PRKG1: variants seen among roughly 807,000 people sequenced by gnomAD.
PRKG1 encodes protein kinase cGMP-dependent 1, also known as cGMP-dependent protein kinase 1.
A neutral mutation model predicts 88.1 loss-of-function variants in PRKG1; 35 were observed. The ratio of observed to expected loss-of-function variants is 0.40; its 90% CI spans 0.30 to 0.53. The LOEUF is 0.53. Ranked by LOEUF, PRKG1 falls within the 20% of genes least tolerant of loss-of-function variation. The probability of loss-of-function intolerance (pLI) is 0.59; values close to 1 mark genes in which losing one functional copy is unlikely to be tolerated. For missense variants in PRKG1, 540 were observed against 839.8 expected (o/e 0.64, Z 4.41); for synonymous variants, 303 against 292.5 (o/e 1.04, Z -0.37).
chr10:51,186,963 T>TAC lies in PRKG1; in HGVS notation c.478+33634_478+33635insCA, dbSNP rs1554844213. Among the ~76,000 whole-genome samples, 15 of 143,014 alleles carry TAC rather than the reference T, an allele frequency of 1.0e-4. No homozygotes were observed. The South Asian group carries it at 1.7e-3, about 16-fold the overall frequency. The allele number at this position is 143,014 out of a possible 152,430, so 93.8% of individuals were successfully genotyped here. On this transcript the variant is annotated intron_variant, in intron 2 of 17. Transcript: ENST00000373980. ...TTTGCAAGGCCCTGTGTTATATATA[T>TAC]ATATATATATATATATATATGTATA...
Position 51,653,659 on chromosome 10 carries a change from C to T in PRKG1, c.593-150926C>T, listed in dbSNP as rs190562266. 4.1e-3 allele frequency among the ~76,000 whole-genome samples: 621 copies of T among 152,068 alleles called. 2 individuals are homozygous for T. Among genetic ancestry groups the T allele is most frequent in the Middle Eastern group, 0.01 (3 of 294 alleles). ...TCAGCTCACTGCAATCTCTGCCTCC[C>T]GAGTTCAAGCAATTCTCTTGCCTCA... On this transcript the variant is annotated intron_variant, in intron 3 of 17. Coordinates refer to ENST00000373980, the MANE Select transcript of PRKG1 (RefSeq NM_006258.4).
At chr10:52,067,921 G>GACTTGAAACCATATGGAATACAT (rs1589575435) in intron 7 of PRKG1, among the ~76,000 whole-genome samples, 1 of 147,356 alleles carries the variant, frequency 6.8e-6, no homozygotes, top group Admixed American at 6.8e-5. Context: ...ATCCCTACTT[G>GACTTGAAACCATATGGAATACAT]AGGCCGGGCG....
At chr10:51,132,010 A>G (rs1845578228) in intron 1 of PRKG1, among the ~76,000 whole-genome samples, 1 of 152,194 alleles carries the variant, frequency 6.6e-6, no homozygotes, top group Non-Finnish European at 1.5e-5. Context: ...ACAAAGCTTA[A>G]AAGAATCTAT....
At chr10:51,213,210 G>C (rs571983381) in intron 2 of PRKG1, among the ~76,000 whole-genome samples, 1 of 151,850 alleles carries the variant, frequency 6.6e-6, no homozygotes, top group African/African-American at 2.4e-5. Context: ...GCAAGCTATC[G>C]CAAGGACAAA....
chr10:52,023,650 A>G (rs963065392), intron 5 of PRKG1, among the ~76,000 whole-genome samples: 13 of 152,084 alleles, frequency 8.5e-5, no homozygotes, highest in Admixed American at 8.5e-4. Flanking sequence ...TTTGATTTGC[A>G]TTTCTCTGAT....
chr10:52,191,634 G>A (rs138247979), intron 9 of PRKG1, among the ~76,000 whole-genome samples: 11 of 152,244 alleles, frequency 7.2e-5, no homozygotes, highest in Admixed American at 2.6e-4. Flanking sequence ...AGAAGATTTC[G>A]TAGGAGGTTT....
At chr10:51,395,738 G>T (rs1167979799) in intron 2 of PRKG1, among the ~76,000 whole-genome samples, 1 of 152,178 alleles carries the variant, frequency 6.6e-6, no homozygotes, top group Non-Finnish European at 1.5e-5. Flanking sequence ...CTATATTCTG[G>T]CACATTAGGG....
At chr10:51,418,487 G>T (rs1294782492) in intron 2 of PRKG1, among the ~76,000 whole-genome samples, 1 of 152,134 alleles carries the variant, frequency 6.6e-6, no homozygotes, top group African/African-American at 2.4e-5. Context: ...AGTAGACATT[G>T]GTTGCCTATA....
intron 5 of PRKG1, among the ~76,000 whole-genome samples, chr10:52,008,431 G>A (rs1169483249): frequency 1.3e-5 from 2 of 151,884 alleles, no homozygotes; most frequent in Non-Finnish European, 2.9e-5. Flanking sequence ...ATTAGAAATG[G>A]CAAAGGGGAC....
intron 3 of PRKG1, among the ~76,000 whole-genome samples, chr10:51,633,522 C>T (rs1457435678): frequency 1.3e-5 from 2 of 151,860 alleles, no homozygotes; most frequent in Non-Finnish European, 2.9e-5. Flanking sequence ...CAAAATTTTC[C>T]CTGGTTACAG....
chr10:51,568,684 A>G (rs570024856), intron 3 of PRKG1: 1 of 152,182 alleles, frequency 6.6e-6, no homozygotes, highest in Admixed American at 6.6e-5. Context: ...GTGTTCCTCT[A>G]CCCAATGTAA....
intron 3 of PRKG1, among the ~76,000 whole-genome samples, chr10:51,642,232 A>G (rs886446595): frequency 6.6e-6 from 1 of 152,068 alleles, no homozygotes. Flanking sequence ...TCCACTAAAA[A>G]TACAAAAATC....
At chr10:52,152,082 G>T (rs114369231) in intron 8 of PRKG1, among the ~76,000 whole-genome samples, 1 of 152,028 alleles carries the variant, frequency 6.6e-6, no homozygotes, top group Admixed American at 6.6e-5. Context: ...TCATATAGGT[G>T]GATACCCTAA....
intron 14 of PRKG1, among the ~76,000 whole-genome samples, chr10:52,282,623 A>T (rs1842025133): frequency 6.6e-6 from 1 of 152,110 alleles, no homozygotes; most frequent in Admixed American, 6.6e-5. Context: ...CAGCAATGAA[A>T]CAGGGGAGAT....
At chr10:51,044,818 C>T (rs927214985) in intron 1 of PRKG1, among the ~76,000 whole-genome samples, 7 of 152,118 alleles carry the variant, frequency 4.6e-5, no homozygotes, top group African/African-American at 1.4e-4. Context: ...TAAGAAAATC[C>T]TAAATTGTTT....
At chr10:51,070,129 T>A (rs1266012961), upstream of PRKG1, among the ~76,000 whole-genome samples, 1 of 152,080 alleles carries the variant, frequency 6.6e-6, no homozygotes, top group Non-Finnish European at 1.5e-5. Context: ...CTGCAGAAAG[T>A]AATGAGGGGT....
rs191175182 is a variant in PRKG1 at position 51,656,895 on chromosome 10, G to C, written c.593-147690G>C. On this transcript the variant is annotated intron_variant, in intron 3 of 17. Coordinates refer to ENST00000373980, the MANE Select transcript of PRKG1 (RefSeq NM_006258.4). The stretch of plus-strand genomic sequence containing the variant: ...AGCATAGAGTAAGGCAAATTTAAGA[G>C]TACAGACTCTGAAAGCTTCGTGACT... 5.9e-5 allele frequency among the ~76,000 whole-genome samples: 9 copies of C among 152,234 alleles called. 1 individual carries two copies. In the East Asian group the frequency reaches 1.7e-3, roughly 29 times the overall value.
At chr10:51,055,231 G>A (rs1001186209) in intron 1 of PRKG1, among the ~76,000 whole-genome samples, 15 of 152,182 alleles carry the variant, frequency 9.9e-5, no homozygotes, top group African/African-American at 2.6e-4. Flanking sequence ...TGGTTTGCTC[G>A]TCCTTGAGTC....
chr10:51,342,838 T>C (rs991216046), intron 2 of PRKG1, among the ~76,000 whole-genome samples: 4 of 152,206 alleles, frequency 2.6e-5, no homozygotes, highest in Non-Finnish European at 5.9e-5. Context: ...AACATTCAGG[T>C]GTTCATTCTA....
Sources: allele counts gnomAD v4.1 joint callset (sites outside exome capture counted in the v4.1 genomes callset), GRCh38; gene constraint gnomAD v4.1.1; transcripts MANE v1.5; gene names NCBI Gene and HGNC (gene_info 2026-07-23, HGNC 2026-07-21).